SHISA9: variants seen among roughly 807,000 people sequenced by gnomAD.
SHISA9 encodes shisa family member 9, also known as protein shisa-9.
SHISA9 carries 13 observed loss-of-function variants against 38.0 expected under a neutral mutation model. The ratio of observed to expected loss-of-function variants is 0.34; its 90% CI spans 0.22 to 0.54. The LOEUF (loss-of-function observed/expected upper bound fraction) is 0.54. Ranked by LOEUF, SHISA9 falls within the 20% of genes least tolerant of loss-of-function variation. The pLI is 0.91. For missense variants in SHISA9, 538 were observed against 575.8 expected (o/e 0.93, Z 0.67); for synonymous variants, 275 against 242.0 (o/e 1.14, Z -1.27).
In SHISA9 at chr16:13,154,013, C is replaced by G. The variant is rs1043795764; in HGVS notation, c.692-49381C>G. On this transcript the variant is annotated intron_variant, in intron 2 of 4. Transcript: ENST00000558583. ...CTCTTTGTTCCCAGATAAGAGCCATCTAGCTTGTGTCTCTGGTGTTTTTGC... is the reference window on the plus strand; with the variant it reads ...CTCTTTGTTCCCAGATAAGAGCCATGTAGCTTGTGTCTCTGGTGTTTTTGC... Among the ~76,000 whole-genome samples the G allele has an allele frequency of 5.9e-5, 9 of 152,172 alleles. No homozygotes were observed. In the Middle Eastern group the frequency reaches 0.01, roughly 173 times the overall value.
chr16:13,128,371 A>G (rs2050278956), intron 2 of SHISA9, among the ~76,000 whole-genome samples: 1 of 152,050 alleles, frequency 6.6e-6, no homozygotes, highest in Non-Finnish European at 1.5e-5. Context: ...CATTTCATAG[A>G]TGAAGAAACA....
intron 2 of SHISA9, among the ~76,000 whole-genome samples, chr16:13,132,879 C>G (rs1312576421): frequency 6.6e-6 from 1 of 152,152 alleles, no homozygotes; most frequent in Non-Finnish European, 1.5e-5. Flanking sequence ...TGGCTCAGAA[C>G]TTCTAGATCT....
chr16:13,409,394 C>T, the SHISA9 span, among the ~76,000 whole-genome samples: 1 of 152,248 alleles, frequency 6.6e-6, no homozygotes, highest in Non-Finnish European at 1.5e-5. Context: ...GGTGGAGGGT[C>T]CACTGAGCTG....
the SHISA9 span, among the ~76,000 whole-genome samples, chr16:13,294,376 G>T: frequency 6.6e-6 from 1 of 152,162 alleles, no homozygotes; most frequent in East Asian, 1.9e-4. Context: ...CACCATAGCT[G>T]AAGAAGCCCT....
chr16:13,069,086 A>G (rs910036041), intron 2 of SHISA9, among the ~76,000 whole-genome samples: 3 of 150,422 alleles, frequency 2.0e-5, no homozygotes, highest in Non-Finnish European at 4.4e-5. Context: ...TGTACATGCA[A>G]TGTGTATGTG....
the SHISA9 span, among the ~76,000 whole-genome samples, chr16:13,530,324 A>G: frequency 6.6e-6 from 1 of 152,094 alleles, no homozygotes; most frequent in Non-Finnish European, 1.5e-5. Context: ...AAATAAATAA[A>G]TAAATATCAC....
At chr16:13,330,916 G>C in the SHISA9 span, among the ~76,000 whole-genome samples, 2 of 152,136 alleles carry the variant, frequency 1.3e-5, no homozygotes, top group Non-Finnish European at 2.9e-5. Flanking sequence ...CAGTGTGTAA[G>C]ACAGATTCTC....
chr16:12,989,759 T>G (rs2072360289), intron 2 of SHISA9, among the ~76,000 whole-genome samples: 1 of 152,140 alleles, frequency 6.6e-6, no homozygotes. Context: ...GAACACACCA[T>G]GAATTGTTAT....
intron 2 of SHISA9, among the ~76,000 whole-genome samples, chr16:13,187,540 G>C (rs2050839175): frequency 6.6e-6 from 1 of 151,756 alleles, no homozygotes; most frequent in East Asian, 1.9e-4. Flanking sequence ...TCCCCATGTT[G>C]GCCAGGCTGG....
chr16:13,174,408 G>C (rs937020668), intron 2 of SHISA9, among the ~76,000 whole-genome samples: 3 of 152,202 alleles, frequency 2.0e-5, no homozygotes, highest in African/African-American at 7.2e-5. Flanking sequence ...GTCCTTGACT[G>C]TCTCTTGGGA....
chr16:12,909,124 A>G, intron 1 of SHISA9: 1 of 985,848 alleles, frequency 1.0e-6, no homozygotes, highest in South Asian at 4.7e-5. Flanking sequence ...GCATGCATCT[A>G]CTGTTGGCCA....
At chr16:13,052,197 C>G (rs566291720) in intron 2 of SHISA9, among the ~76,000 whole-genome samples, 31 of 152,240 alleles carry the variant, frequency 2.0e-4, no homozygotes, top group South Asian at 4.1e-4. Context: ...AAAAAAGAAG[C>G]AAGCAATGTG....
At chr16:13,427,395 G>C in the SHISA9 span, among the ~76,000 whole-genome samples, 1 of 152,172 alleles carries the variant, frequency 6.6e-6, no homozygotes, top group South Asian at 2.1e-4. Context: ...TGTTACAGAT[G>C]GAAGTGTAAA....
chr16:13,160,386 G>C (rs1328360632), intron 2 of SHISA9, among the ~76,000 whole-genome samples: 1 of 152,172 alleles, frequency 6.6e-6, no homozygotes. Context: ...ATTGTGTCTA[G>C]TATATTCTAT....
chr16:13,556,197 T>G, the SHISA9 span, among the ~76,000 whole-genome samples: 1 of 152,182 alleles, frequency 6.6e-6, no homozygotes, highest in African/African-American at 2.4e-5. Flanking sequence ...ATGTTAAATA[T>G]TAAGTCATTC....
At chr16:13,558,049 CA>C in the SHISA9 span, among the ~76,000 whole-genome samples, 1 of 151,762 alleles carries the variant, frequency 6.6e-6, no homozygotes, top group East Asian at 1.9e-4. Context: ...TGACAGAGAC[CA>C]AAAAAAATTA....
intron 2 of SHISA9, among the ~76,000 whole-genome samples, chr16:13,027,927 C>CACA: frequency 3.4e-5 from 1 of 29,406 alleles, no homozygotes; most frequent in Admixed American, 3.4e-4. Context: ...AGCTCTGTCT[C>CACA]AAAAACAAAA....
At chr16:13,165,826 G>T (rs1372850396) in intron 2 of SHISA9, among the ~76,000 whole-genome samples, 2 of 152,174 alleles carry the variant, frequency 1.3e-5, no homozygotes, top group Non-Finnish European at 2.9e-5. Context: ...ACTTAAAAAT[G>T]TTAATGGACA....
chr16:13,379,062 C>A, the SHISA9 span, among the ~76,000 whole-genome samples: 1 of 151,306 alleles, frequency 6.6e-6, no homozygotes, highest in Non-Finnish European at 1.5e-5. Flanking sequence ...AGTGGTAGAT[C>A]CAGTAAGCCC....
Sources: allele counts gnomAD v4.1 joint callset (sites outside exome capture counted in the v4.1 genomes callset), GRCh38; gene constraint gnomAD v4.1.1; transcripts MANE v1.5; gene names NCBI Gene and HGNC (gene_info 2026-07-23, HGNC 2026-07-21).